Variants in PTCHD1 observed in about 807,000 individuals in gnomAD.
PTCHD1 encodes the protein patched domain-containing protein 1.
PTCHD1 carries 3 observed loss-of-function variants against 34.6 expected under a neutral mutation model. That is an observed-to-expected ratio of 0.09 (90% confidence interval 0.04 to 0.22). The LOEUF (loss-of-function observed/expected upper bound fraction) is 0.22. PTCHD1 is among the 10% of genes least tolerant of loss of function. The pLI, the probability that PTCHD1 is intolerant of heterozygous loss-of-function variation, is 1.00. For synonymous variants in PTCHD1, 305 were observed against 283.1 expected, an observed-to-expected ratio of 1.08 and a Z score of -0.77; for missense variants, 504 against 685.5, an observed-to-expected ratio of 0.74 and a Z score of 2.96.
At chrX:23,373,536 C>G (rs1198713573) in intron 1 of PTCHD1, among the ~76,000 whole-genome samples, 2 of 112,749 alleles carry the variant, frequency 1.8e-5, no homozygotes, top group Admixed American at 9.3e-5. Flanking sequence ...TAAGGGATGA[C>G]TAACTTGCTT....
intron 2 of PTCHD1, among the ~76,000 whole-genome samples, chrX:23,382,707 T>C (rs1041005376): frequency 1.2e-4 from 14 of 112,968 alleles, no homozygotes; most frequent in African/African-American, 4.5e-4. Context: ...CTGAGGAATG[T>C]TACGTGCATT....
intron 2 of PTCHD1, among the ~76,000 whole-genome samples, chrX:23,392,129 C>A (rs1306964866): frequency 3.4e-5 from 3 of 87,697 alleles, no homozygotes; most frequent in Non-Finnish European, 6.3e-5. Context: ...AGGCTGGTAT[C>A]AAACTCCTGG....
At chrX:23,359,074 G>T (rs936562593) in intron 1 of PTCHD1, among the ~76,000 whole-genome samples, 1 of 112,367 alleles carries the variant, frequency 8.9e-6, no homozygotes, top group Admixed American at 9.4e-5. Flanking sequence ...TTTGAAGTCA[G>T]TTAGCGTGAT....
At chrX:23,384,355 T>C (rs1015429215) in intron 2 of PTCHD1, among the ~76,000 whole-genome samples, 3 of 112,257 alleles carry the variant, frequency 2.7e-5, no homozygotes, top group African/African-American at 9.7e-5. Flanking sequence ...AGATCCAGGG[T>C]GTTCTCTTCC....
chrX:23,392,542 T>C lies in PTCHD1; in HGVS notation c.1024T>C (p.Tyr342His), dbSNP rs1287322491. Reference protein sequence around the residue: ...VPFVMLGHGLYGTFEMLSSWR... With the variant: ...VPFVMLGHGLHGTFEMLSSWR... ...TTCTGCCCTCTTAGGTCATGGATTA[T>C]ATGGGACTTTTGAAATGTTATCCTC... The change falls in exon 3 of 3, where the codon TAT (tyrosine) becomes CAT (histidine). Residue 342 changes from tyrosine to histidine, a missense_variant. Coordinates refer to ENST00000379361, the MANE Select transcript of PTCHD1 (RefSeq NM_173495.3). 1 of 1,194,475 alleles carries C rather than the reference T, an allele frequency of 8.4e-7. No individual in the cohort carries two copies. Among genetic ancestry groups the C allele is most frequent in the South Asian group, 1.8e-5 (1 of 56,533 alleles).
intron 1 of PTCHD1, among the ~76,000 whole-genome samples, chrX:23,356,539 C>A (rs188946559): frequency 8.9e-6 from 1 of 111,827 alleles, no homozygotes; most frequent in East Asian, 2.8e-4. Context: ...TGATTCGCAC[C>A]AGCTTTTTCC....
intron 2 of PTCHD1, among the ~76,000 whole-genome samples, chrX:23,384,037 G>A (rs890937933): frequency 5.4e-5 from 6 of 112,076 alleles, no homozygotes; most frequent in Non-Finnish European, 1.1e-4. Context: ...CAGGCTTAAT[G>A]TTTCAACAGC....
chrX:23,397,519 T>A lies in PTCHD1; in HGVS notation c.*3334T>A, dbSNP rs910147843. The stretch of plus-strand genomic sequence containing the variant: ...GAGTTTTTAGTTTCTTTGATGTTTG[T>A]TTTGCTTTAATTTGGTTTGTGGTTT... On this transcript the variant is annotated 3_prime_UTR_variant, in exon 3 of 3. Transcript: ENST00000379361. The A allele has an allele frequency of 2.7e-5, 3 of 112,107 alleles. No individual in the cohort carries two copies. The highest frequency in any genetic ancestry group is 9.7e-5 in the African/African-American group (3 of 30,848). 9.2% of individuals were successfully genotyped at this position (112,107 alleles called of 1,213,427 possible). A position where few individuals can be genotyped will look rare whatever the true frequency, so the allele number is the denominator to read the frequency against.
chrX:23,357,628 G>A (rs1389876375), intron 1 of PTCHD1, among the ~76,000 whole-genome samples: 4 of 110,303 alleles, frequency 3.6e-5, no homozygotes, highest in African/African-American at 3.4e-5. Context: ...TGGCCATGGT[G>A]GGGTATTTAC....
intron 1 of PTCHD1, among the ~76,000 whole-genome samples, chrX:23,365,721 T>G (rs1344799966): frequency 9.0e-6 from 1 of 111,655 alleles, no homozygotes; most frequent in African/African-American, 3.3e-5. Context: ...CCCCAGCACT[T>G]CTGGCCTGCC....
At chrX:23,353,623 G>T (rs1453202441) in intron 1 of PTCHD1, among the ~76,000 whole-genome samples, 2 of 109,828 alleles carry the variant, frequency 1.8e-5, no homozygotes, top group Non-Finnish European at 3.8e-5. Flanking sequence ...AAAAAAAAAC[G>T]TAAGCTAAGA....
intron 1 of PTCHD1, among the ~76,000 whole-genome samples, chrX:23,340,884 G>C (rs890449733): frequency 5.4e-5 from 6 of 111,842 alleles, no homozygotes; most frequent in Non-Finnish European, 1.1e-4. Flanking sequence ...GTATTTGCTG[G>C]GTCAGTCAAT....
At chrX:23,390,872 A>T (rs1922812079) in intron 2 of PTCHD1, among the ~76,000 whole-genome samples, 1 of 112,207 alleles carries the variant, frequency 8.9e-6, no homozygotes. Flanking sequence ...TGGAGATTTT[A>T]AATTCCTTTT....
At chrX:23,387,339 C>T (rs759447092) in intron 2 of PTCHD1, among the ~76,000 whole-genome samples, 10 of 111,265 alleles carry the variant, frequency 9.0e-5, no homozygotes, top group African/African-American at 2.9e-4. Context: ...CAGAATTAAT[C>T]TCTGAGGGTG....
chrX:23,368,268 T>C (rs184559570), intron 1 of PTCHD1, among the ~76,000 whole-genome samples: 2 of 112,280 alleles, frequency 1.8e-5, no homozygotes, highest in African/African-American at 6.5e-5. Flanking sequence ...TCTGCTCTTA[T>C]TTTTTTAGAT....
intron 2 of PTCHD1, among the ~76,000 whole-genome samples, chrX:23,390,831 G>C (rs1922811074): frequency 8.9e-6 from 1 of 112,191 alleles, no homozygotes; most frequent in Non-Finnish European, 1.9e-5. Flanking sequence ...CAAGATAACA[G>C]TGACTCACTT....
intron 1 of PTCHD1, among the ~76,000 whole-genome samples, chrX:23,367,658 G>A (rs752745053): frequency 1.4e-4 from 16 of 111,575 alleles, no homozygotes; most frequent in African/African-American, 3.9e-4. Context: ...GAGTCTTGAC[G>A]TGGAAGGAAG....
At chrX:23,367,540 G>A (rs1922179154) in intron 1 of PTCHD1, among the ~76,000 whole-genome samples, 1 of 111,416 alleles carries the variant, frequency 9.0e-6, no homozygotes, top group Admixed American at 9.6e-5. Context: ...GGGCTGGCGT[G>A]CTCAGGGAAG....
intron 1 of PTCHD1, among the ~76,000 whole-genome samples, chrX:23,355,289 T>C (rs1378812064): frequency 8.9e-6 from 1 of 112,410 alleles, no homozygotes; most frequent in Non-Finnish European, 1.9e-5. Context: ...AGTCTCTGCC[T>C]GATAAAAACA....
Sources: allele counts gnomAD v4.1 joint callset (sites outside exome capture counted in the v4.1 genomes callset), GRCh38; gene constraint gnomAD v4.1.1; transcripts MANE v1.5; gene names NCBI Gene and HGNC (gene_info 2026-07-23, HGNC 2026-07-21).